Variants in ST18 observed in about 807,000 individuals in gnomAD.
ST18 encodes the protein ST18 C2H2C-type zinc finger transcription factor.
A neutral mutation model predicts 110.0 loss-of-function variants in ST18; 50 were observed. The ratio of observed to expected loss-of-function variants is 0.45; its 90% CI spans 0.36 to 0.58. ST18 has a LOEUF of 0.58. Among genes scored for constraint, ST18 ranks in the 20% least tolerant of loss-of-function variants. ST18 has a pLI of 0.00. For synonymous variants in ST18, 461 were observed against 452.4 expected (o/e 1.02, Z -0.24); for missense variants, 1,306 against 1,280.1 (o/e 1.02, Z -0.31).
chr8:52,271,091 G>A (rs1051665298), intron 2 of ST18, among the ~76,000 whole-genome samples: 3 of 152,004 alleles, frequency 2.0e-5, no homozygotes, highest in Admixed American at 6.5e-5. Flanking sequence ...GTAGAGATGG[G>A]GTTTCACTGT....
chr8:52,160,917 C>A (rs1235223863), intron 14 of ST18, among the ~76,000 whole-genome samples: 2 of 152,170 alleles, frequency 1.3e-5, no homozygotes, highest in Non-Finnish European at 2.9e-5. Context: ...CTCACCTTCC[C>A]TTCCACCTTT....
At chr8:52,370,528 T>A (rs1478965340) in intron 2 of ST18, among the ~76,000 whole-genome samples, 1 of 152,004 alleles carries the variant, frequency 6.6e-6, no homozygotes, top group East Asian at 1.9e-4. Context: ...CCTTCTGGAG[T>A]CTTGAAGGAG....
At chr8:52,258,254 A>G (rs1172706760) in intron 2 of ST18, among the ~76,000 whole-genome samples, 1 of 152,264 alleles carries the variant, frequency 6.6e-6, no homozygotes, top group East Asian at 1.9e-4. Flanking sequence ...TGTTTTGACT[A>G]TTATGGGTCC....
chr8:52,302,883 CA>C (rs2095751060), intron 2 of ST18, among the ~76,000 whole-genome samples: 1 of 152,020 alleles, frequency 6.6e-6, no homozygotes, highest in Admixed American at 6.5e-5. Flanking sequence ...GAAACATCAC[CA>C]TTTGTCAATC....
chr8:52,113,388 G>A (rs1279752731), intron 25 of ST18, 50 bp from the exon 26 acceptor site: 1 of 1,597,704 alleles, frequency 6.3e-7, no homozygotes, highest in Non-Finnish European at 8.5e-7. Context: ...TCAGGCTGAG[G>A]GAAAAGAAGG....
intron 2 of ST18, among the ~76,000 whole-genome samples, chr8:52,259,239 G>A (rs1469707403): frequency 6.6e-6 from 1 of 152,166 alleles, no homozygotes; most frequent in Non-Finnish European, 1.5e-5. Flanking sequence ...ATGCTGGAGA[G>A]GCCAAACTGC....
rs187501066 is a variant in ST18, at chr8:52,386,159, A to G, written c.-465+23169T>C. On this transcript the variant is annotated intron_variant, in intron 2 of 25. Coordinates refer to ENST00000689386, the MANE Select transcript of ST18 (RefSeq NM_001352837.2). Reference sequence around the variant, plus strand: ...AATGAGAAGGGATTGGTTACATAAAATAAGACAAAACATCAGACAGTCATT... The same window carrying G: ...AATGAGAAGGGATTGGTTACATAAAGTAAGACAAAACATCAGACAGTCATT... Among the ~76,000 whole-genome samples, 720 of 152,362 alleles carry G rather than the reference A, an allele frequency of 4.7e-3. 10 individuals are homozygous for G. The highest frequency in any genetic ancestry group is 0.016 in the African/African-American group (685 of 41,572).
chr8:52,268,280 T>C (rs2094938495), intron 2 of ST18, among the ~76,000 whole-genome samples: 1 of 152,188 alleles, frequency 6.6e-6, no homozygotes, highest in African/African-American at 2.4e-5. Context: ...GTACTAAGTA[T>C]TGACAAAAGA....
chr8:52,127,825 AG>A (rs895517004), intron 22 of ST18, among the ~76,000 whole-genome samples: 5 of 148,040 alleles, frequency 3.4e-5, no homozygotes, highest in African/African-American at 5.1e-5. Flanking sequence ...AAAAAAAAAA[AG>A]GGCAGGAAAA....
At chr8:52,136,077 T>C (rs1408584113) in intron 19 of ST18, among the ~76,000 whole-genome samples, 1 of 152,186 alleles carries the variant, frequency 6.6e-6, no homozygotes, top group Non-Finnish European at 1.5e-5. Flanking sequence ...TAAAAGAAGA[T>C]GAGCAGGAAA....
rs966385904 is a variant in ST18 at position 52,384,846 on chromosome 8, G to T, written c.-465+24482C>A. Among the ~76,000 whole-genome samples the T allele has an allele frequency of 2.0e-5, 3 of 151,658 alleles. No individual in the cohort carries two copies. In the South Asian group the frequency reaches 6.3e-4, roughly 32 times the overall value. The stretch of plus-strand genomic sequence containing the variant: ...CACCATCACTAGGCCCCTTAAAAAT[G>T]GAACCATGCCATGTGCCACTTTGGA... On this transcript the variant is annotated intron_variant, in intron 2 of 25. Transcript: ENST00000689386.
chr8:52,229,096 T>C (rs1436073905), intron 3 of ST18, among the ~76,000 whole-genome samples: 2 of 152,176 alleles, frequency 1.3e-5, no homozygotes, highest in African/African-American at 4.8e-5. Flanking sequence ...AGACTATCAG[T>C]CTTAGCCTCT....
chr8:52,129,513 C>T (rs2048395096), intron 22 of ST18, among the ~76,000 whole-genome samples: 1 of 150,672 alleles, frequency 6.6e-6, no homozygotes, highest in East Asian at 1.9e-4. Context: ...AGCATTCCAC[C>T]TTAAAGAGAA....
rs189001984 is a variant in ST18 at position 52,308,507 on chromosome 8, A to C, written c.-464-78430T>G. On this transcript the variant is annotated intron_variant, in intron 2 of 25. Transcript: ENST00000689386. ...CCACAGCTCAAAGACAGCTTTACTC[A>C]CTCCTGCCCTGTGTTCTCTCCATTC... Among the ~76,000 whole-genome samples the C allele has an allele frequency of 1.9e-3, 287 of 152,128 alleles. 1 individual carries two copies. Among genetic ancestry groups the C allele is most frequent in the Non-Finnish European group, 3.3e-3 (226 of 68,008 alleles).
At chr8:52,341,501 A>G (rs1238410318) in intron 2 of ST18, among the ~76,000 whole-genome samples, 1 of 152,216 alleles carries the variant, frequency 6.6e-6, no homozygotes, top group Non-Finnish European at 1.5e-5. Context: ...TGCATGGCAA[A>G]GGGCAATCAA....
chr8:52,168,233 C>A (rs1190444680), intron 10 of ST18, among the ~76,000 whole-genome samples: 1 of 147,982 alleles, frequency 6.8e-6, no homozygotes, highest in African/African-American at 2.5e-5. Context: ...CAACATGAGG[C>A]CTCAGGAATA....
At chr8:52,290,835 C>T (rs1380529904) in intron 2 of ST18, among the ~76,000 whole-genome samples, 2 of 152,220 alleles carry the variant, frequency 1.3e-5, no homozygotes, top group African/African-American at 4.8e-5. Flanking sequence ...TCCTCCCTGA[C>T]TTCCTCATTA....
intron 2 of ST18, among the ~76,000 whole-genome samples, chr8:52,349,774 G>C (rs1819412048): frequency 6.6e-6 from 1 of 152,152 alleles, no homozygotes. Context: ...CGGGTAATGT[G>C]AGGAGTGTTA....
At chr8:52,237,770 A>G (rs1230735644) in intron 2 of ST18, among the ~76,000 whole-genome samples, 2 of 152,228 alleles carry the variant, frequency 1.3e-5, no homozygotes, top group Non-Finnish European at 2.9e-5. Context: ...GGCAGGAATG[A>G]CCTTTGCTGA....
Sources: allele counts gnomAD v4.1 joint callset (sites outside exome capture counted in the v4.1 genomes callset), GRCh38; gene constraint gnomAD v4.1.1; transcripts MANE v1.5; gene names NCBI Gene and HGNC (gene_info 2026-07-23, HGNC 2026-07-21).